The following ROBO2 variants were observed in gnomAD, a reference collection of about 807,000 sequenced individuals.
ROBO2 encodes roundabout guidance receptor 2.
A neutral mutation model predicts 160.8 loss-of-function variants in ROBO2; 53 were observed. That is an observed-to-expected ratio of 0.33 (90% CI 0.26 to 0.41). ROBO2 has a LOEUF of 0.41. Among genes scored for constraint, ROBO2 ranks in the 10% least tolerant of loss-of-function variants. The probability of loss-of-function intolerance (pLI) is 1.00; values close to 1 mark genes in which losing one functional copy is unlikely to be tolerated. For synonymous variants in ROBO2, 664 were observed against 611.7 expected (o/e 1.09, Z -1.26); for missense variants, 1,577 against 1,722.4 (o/e 0.92, Z 1.49).
At chr3:76,101,063 G>T (rs1328732250) in intron 2 of ROBO2, among the ~76,000 whole-genome samples, 1 of 152,070 alleles carries the variant, frequency 6.6e-6, no homozygotes, top group Non-Finnish European at 1.5e-5. Context: ...CAAAGTATGT[G>T]CTTTGTATAA....
intron 2 of ROBO2, among the ~76,000 whole-genome samples, chr3:77,369,548 C>T (rs973031627): frequency 3.3e-5 from 5 of 152,142 alleles, no homozygotes; most frequent in Admixed American, 2.6e-4. Context: ...GCATACTTAC[C>T]TGAAAGTGCG....
At chr3:76,405,543 A>G (rs935242806) in intron 2 of ROBO2, among the ~76,000 whole-genome samples, 8 of 151,760 alleles carry the variant, frequency 5.3e-5, no homozygotes, top group African/African-American at 1.9e-4. Context: ...CATTCTTTCT[A>G]TTAGTTAGCA....
At chr3:77,549,196 A>G (rs1051333299) in intron 7 of ROBO2, among the ~76,000 whole-genome samples, 2 of 151,968 alleles carry the variant, frequency 1.3e-5, no homozygotes, top group African/African-American at 4.8e-5. Flanking sequence ...TTCCATGTCA[A>G]CGAATCATTT....
chr3:77,061,685 T>C (rs2066325841), intron 1 of ROBO2, among the ~76,000 whole-genome samples: 1 of 152,198 alleles, frequency 6.6e-6, no homozygotes, highest in Non-Finnish European at 1.5e-5. Context: ...TGGGGACTTA[T>C]CACCATGGAT....
At chr3:76,532,141 A>G (rs1270225555) in intron 2 of ROBO2, among the ~76,000 whole-genome samples, 1 of 152,076 alleles carries the variant, frequency 6.6e-6, no homozygotes, top group Admixed American at 6.6e-5. Context: ...TCCTCCTCCC[A>G]ATTAGACCTT....
intron 2 of ROBO2, among the ~76,000 whole-genome samples, chr3:76,572,957 C>G (rs1026494643): frequency 6.6e-6 from 1 of 152,164 alleles, no homozygotes; most frequent in African/African-American, 2.4e-5. Flanking sequence ...GCATAAACTT[C>G]TCTTCCTTCT....
At chr3:76,392,066 C>T (rs1019078072) in intron 2 of ROBO2, among the ~76,000 whole-genome samples, 11 of 152,058 alleles carry the variant, frequency 7.2e-5, no homozygotes, top group African/African-American at 2.7e-4. Flanking sequence ...TTCTTCATAA[C>T]ATTATTAATT....
chr3:75,946,327 A>G (rs1240383623), intron 2 of ROBO2, among the ~76,000 whole-genome samples: 1 of 151,674 alleles, frequency 6.6e-6, no homozygotes, highest in Non-Finnish European at 1.5e-5. Flanking sequence ...ATATACATGT[A>G]GTCAATAAGT....
At chr3:76,197,463 T>C (rs35622701) in intron 2 of ROBO2, among the ~76,000 whole-genome samples, 3 of 145,746 alleles carry the variant, frequency 2.1e-5, no homozygotes, top group African/African-American at 7.6e-5. Context: ...ATCCACTGAG[T>C]TAACCAATCT....
intron 2 of ROBO2, among the ~76,000 whole-genome samples, chr3:77,455,633 T>C (rs971431401): frequency 1.3e-5 from 2 of 152,098 alleles, no homozygotes; most frequent in African/African-American, 2.4e-5. Flanking sequence ...GGTTTCACCA[T>C]GTTGGCCAGG....
At chr3:76,983,344 T>G (rs1578036462) in intron 2 of ROBO2, among the ~76,000 whole-genome samples, 1 of 152,196 alleles carries the variant, frequency 6.6e-6, no homozygotes, top group Admixed American at 6.5e-5. Flanking sequence ...TAAGCACTAC[T>G]AGTTCAACAA....
intron 2 of ROBO2, among the ~76,000 whole-genome samples, chr3:76,913,606 C>T (rs1559694382): frequency 2.0e-5 from 3 of 152,072 alleles, no homozygotes; most frequent in South Asian, 4.1e-4. Context: ...GACAAATTAA[C>T]TCTGGTGAAT....
intron 1 of ROBO2, 33 bp downstream of exon 1, chr3:77,040,879 C>A (rs748789923): frequency 6.2e-7 from 1 of 1,608,194 alleles, no homozygotes; most frequent in Non-Finnish European, 8.5e-7. Flanking sequence ...TTTTTTTGCG[C>A]CCCCCACCCC....
intron 2 of ROBO2, among the ~76,000 whole-genome samples, chr3:76,380,188 CTA>C (rs1001457722): frequency 1.3e-5 from 2 of 151,956 alleles, no homozygotes; most frequent in African/African-American, 2.4e-5. Flanking sequence ...AACTATAAAT[CTA>C]GAGCCATTAA....
At chr3:77,545,871 T>G (rs1485390349) in intron 6 of ROBO2, among the ~76,000 whole-genome samples, 1 of 152,132 alleles carries the variant, frequency 6.6e-6, no homozygotes, top group Non-Finnish European at 1.5e-5. Context: ...GGGTCATATT[T>G]TATACCCTTT....
chr3:76,945,693 C>A (rs2078490002), intron 2 of ROBO2, among the ~76,000 whole-genome samples: 1 of 152,126 alleles, frequency 6.6e-6, no homozygotes, highest in Non-Finnish European at 1.5e-5. Flanking sequence ...CTCAAGGTCA[C>A]TAATCATTTT....
At chr3:77,557,193 A>G (rs2093152979) in intron 8 of ROBO2, among the ~76,000 whole-genome samples, 1 of 152,008 alleles carries the variant, frequency 6.6e-6, no homozygotes, top group South Asian at 2.1e-4. Flanking sequence ...ACATTTAGAA[A>G]TTATGGAAAA....
At chr3:77,063,268 G>A (rs1443493445) in intron 1 of ROBO2, among the ~76,000 whole-genome samples, 1 of 152,186 alleles carries the variant, frequency 6.6e-6, no homozygotes, top group Non-Finnish European at 1.5e-5. Flanking sequence ...TGGGAGAGGA[G>A]TGTACGTGTC....
At chr3:77,288,812 G>A (rs1270312681) in intron 2 of ROBO2, among the ~76,000 whole-genome samples, 1 of 152,078 alleles carries the variant, frequency 6.6e-6, no homozygotes, top group African/African-American at 2.4e-5. Flanking sequence ...TTATACCTGG[G>A]TCCAGAATTT....
Sources: gnomAD v4.1 joint callset for allele counts (sites outside exome capture counted in the v4.1 genomes callset) on GRCh38, gnomAD v4.1.1 for gene constraint, MANE v1.5 for transcripts, NCBI Gene and HGNC (gene_info 2026-07-23, HGNC 2026-07-21) for gene names.